Variants in PDE4D observed in about 807,000 individuals in gnomAD.
PDE4D encodes phosphodiesterase 4D.
A neutral mutation model predicts 87.4 loss-of-function variants in PDE4D; 24 were observed. The observed-to-expected ratio is 0.27, with a 90% CI of 0.20 to 0.39. PDE4D has a LOEUF of 0.39. PDE4D is among the 10% of genes least tolerant of loss of function. The pLI, the probability that PDE4D is intolerant of heterozygous loss-of-function variation, is 1.00. For missense variants in PDE4D, 714 were observed against 1,041.0 expected (o/e 0.69, Z 4.32); for synonymous variants, 384 against 383.2 (o/e 1.00, Z -0.02).
At chr5:60,117,068 C>T (rs1413189584) in intron 2 of PDE4D, among the ~76,000 whole-genome samples, 1 of 151,486 alleles carries the variant, frequency 6.6e-6, no homozygotes, top group Non-Finnish European at 1.5e-5. Flanking sequence ...TATTTCCTTC[C>T]AACTCTTATC....
intron 1 of PDE4D, among the ~76,000 whole-genome samples, chr5:60,365,474 ATC>A (rs1362274931): frequency 2.0e-5 from 3 of 152,068 alleles, no homozygotes; most frequent in Non-Finnish European, 4.4e-5. Flanking sequence ...GGTTTTTTAA[ATC>A]TCTCTCTGCA....
At chr5:59,476,091 A>T (rs756850158) in intron 1 of PDE4D, among the ~76,000 whole-genome samples, 7 of 151,982 alleles carry the variant, frequency 4.6e-5, no homozygotes, top group Non-Finnish European at 8.8e-5. Flanking sequence ...CCACCAACCT[A>T]TTCTCCCTTC....
intron 1 of PDE4D, among the ~76,000 whole-genome samples, chr5:59,659,565 G>C (rs983242090): frequency 1.4e-4 from 22 of 152,340 alleles, no homozygotes; most frequent in African/African-American, 4.8e-4. Flanking sequence ...AGGAGTCTTC[G>C]TAGGTAAGAA....
intron 1 of PDE4D, among the ~76,000 whole-genome samples, chr5:59,856,236 T>C (rs1294225574): frequency 2.0e-5 from 3 of 152,166 alleles, no homozygotes; most frequent in African/African-American, 7.2e-5. Flanking sequence ...TCTTTTGGCA[T>C]TGGAATTCTA....
intron 6 of PDE4D, among the ~76,000 whole-genome samples, chr5:59,023,456 C>A (rs1411942913): frequency 2.6e-5 from 3 of 113,474 alleles, no homozygotes; most frequent in African/African-American, 7.0e-5. Flanking sequence ...CATAGTGAGA[C>A]CCTGTCTCTA....
At chr5:59,914,763 C>A (rs1400562746) in intron 3 of PDE4D, among the ~76,000 whole-genome samples, 1 of 151,224 alleles carries the variant, frequency 6.6e-6, no homozygotes, top group Non-Finnish European at 1.5e-5. Context: ...AGATTGGAAG[C>A]TATTTCAACA....
intron 1 of PDE4D, among the ~76,000 whole-genome samples, chr5:59,599,777 G>T (rs1827236671): frequency 6.6e-6 from 1 of 152,154 alleles, no homozygotes; most frequent in Admixed American, 6.6e-5. Flanking sequence ...TTGAGACTGG[G>T]TTGCTCTTCC....
At chr5:59,510,808 G>C (rs376431056) in intron 1 of PDE4D, among the ~76,000 whole-genome samples, 12 of 152,102 alleles carry the variant, frequency 7.9e-5, no homozygotes, top group African/African-American at 2.9e-4. Flanking sequence ...AGGAGCACCA[G>C]TGAAAAGTGG....
intron 1 of PDE4D, among the ~76,000 whole-genome samples, chr5:59,488,192 G>A (rs1040408535): frequency 1.3e-5 from 2 of 148,260 alleles, no homozygotes; most frequent in African/African-American, 5.0e-5. Flanking sequence ...AAAAAAATGT[G>A]TAACTGTTGA....
intron 1 of PDE4D, among the ~76,000 whole-genome samples, chr5:59,337,418 G>A (rs1317965637): frequency 1.4e-5 from 2 of 139,542 alleles, no homozygotes; most frequent in Non-Finnish European, 3.0e-5. Flanking sequence ...TGCAGGCTCC[G>A]TCCCCCGGGG....
intron 1 of PDE4D, among the ~76,000 whole-genome samples, chr5:59,662,452 C>A (rs1293448232): frequency 6.6e-6 from 1 of 152,158 alleles, no homozygotes; most frequent in Non-Finnish European, 1.5e-5. Context: ...TGTTGTTTGT[C>A]AAAACCATTT....
chr5:59,821,026 G>A (rs1248903991), intron 1 of PDE4D, among the ~76,000 whole-genome samples: 1 of 152,136 alleles, frequency 6.6e-6, no homozygotes, highest in Non-Finnish European at 1.5e-5. Flanking sequence ...GAGATCAGGA[G>A]TTTGAGACAA....
chr5:60,383,273 A>G lies in PDE4D; in HGVS notation c.-90+104669T>C, dbSNP rs114621314. 9.5e-3 allele frequency among the ~76,000 whole-genome samples: 1,450 copies of G among 152,348 alleles called. 25 individuals are homozygous for G. The highest frequency in any genetic ancestry group is 0.032 in the African/African-American group (1,349 of 41,578). On this transcript the variant is annotated intron_variant, in intron 1 of 16. Coordinates refer to the PDE4D transcript ENST00000502484. ...AAAAACACTTGGAATTTTTCCAACC[A>G]TAAGTATACTCAAAAAAGAAATGAT...
intron 1 of PDE4D, among the ~76,000 whole-genome samples, chr5:59,472,696 G>A (rs1345022444): frequency 6.6e-6 from 1 of 151,988 alleles, no homozygotes; most frequent in African/African-American, 2.4e-5. Flanking sequence ...AAGATTATAA[G>A]CCAGTTCCAT....
intron 1 of PDE4D, among the ~76,000 whole-genome samples, chr5:59,849,846 G>A (rs1744411861): frequency 6.6e-6 from 1 of 152,034 alleles, no homozygotes; most frequent in South Asian, 2.1e-4. Context: ...GTTAGGCTGG[G>A]TGCTATGATT....
chr5:60,435,485 T>G (rs1744687611), intron 1 of PDE4D, among the ~76,000 whole-genome samples: 1 of 152,116 alleles, frequency 6.6e-6, no homozygotes, highest in Non-Finnish European at 1.5e-5. Flanking sequence ...ATTTGGAAGC[T>G]TTATGACAAT....
intron 2 of PDE4D, among the ~76,000 whole-genome samples, chr5:60,073,713 G>T (rs1351066395): frequency 1.3e-5 from 2 of 151,840 alleles, no homozygotes; most frequent in African/African-American, 4.8e-5. Flanking sequence ...GTTCGTTATT[G>T]GTCTGCTTAG....
intron 1 of PDE4D, chr5:60,448,801 C>G (rs555397267): frequency 1.3e-5 from 2 of 152,062 alleles, no homozygotes; most frequent in Non-Finnish European, 2.9e-5. Flanking sequence ...TTAATGAAAA[C>G]AATTCAAGCT....
chr5:59,497,935 A>G (rs996313353), intron 1 of PDE4D, among the ~76,000 whole-genome samples: 12 of 152,078 alleles, frequency 7.9e-5, no homozygotes, highest in African/African-American at 2.9e-4. Context: ...AAACAGTCAT[A>G]TCATCTATAA....
Sources: gnomAD v4.1 joint callset for allele counts (sites outside exome capture counted in the v4.1 genomes callset) on GRCh38, gnomAD v4.1.1 for gene constraint, MANE v1.5 for transcripts, NCBI Gene and HGNC (gene_info 2026-07-23, HGNC 2026-07-21) for gene names.